ESRRB: variants seen among roughly 807,000 people sequenced by gnomAD.
ESRRB encodes steroid hormone receptor ERR2.
Under a neutral mutation model 46.0 loss-of-function variants are expected in ESRRB, and 16 were observed. The ratio of observed to expected loss-of-function variants is 0.35; its 90% CI spans 0.24 to 0.53. ESRRB has a LOEUF of 0.53. Ranked by LOEUF, ESRRB falls within the 20% of genes least tolerant of loss-of-function variation. The probability of loss-of-function intolerance (pLI) is 0.93; values close to 1 mark genes in which losing one functional copy is unlikely to be tolerated. For missense variants in ESRRB, 488 were observed against 607.4 expected, an observed-to-expected ratio of 0.80 and a Z score of 2.07; for synonymous variants, 246 against 259.6, an observed-to-expected ratio of 0.95 and a Z score of 0.50.
Position 76,499,987 on chromosome 14 carries a change from A to G in ESRRB, c.*1529A>G. On this transcript the variant is annotated 3_prime_UTR_variant, in exon 7 of 7. Coordinates refer to ENST00000644823, the MANE Select transcript of ESRRB (RefSeq NM_001379180.1). ...CAGAGCAACTCCCCGGGGATCCCCA[A>G]TCCACGCCCTTCTAGTCCAACCCCC... 5 of 1,590,228 alleles carry G rather than the reference A, an allele frequency of 3.1e-6. No homozygotes were observed. Among genetic ancestry groups the G allele is most frequent in the East Asian group, 2.3e-5 (1 of 44,184 alleles).
upstream of ESRRB, among the ~76,000 whole-genome samples, chr14:76,368,152 T>C (rs1428925507): frequency 1.3e-5 from 2 of 149,910 alleles, no homozygotes; most frequent in Non-Finnish European, 3.0e-5. Flanking sequence ...TTTTTGTATT[T>C]TTAGTAGAGA....
At chr14:76,365,151 G>C (rs1884505644) in intron 1 of ESRRB, among the ~76,000 whole-genome samples, 1 of 152,170 alleles carries the variant, frequency 6.6e-6, no homozygotes, top group Non-Finnish European at 1.5e-5. Flanking sequence ...AATAACCAGA[G>C]TGAAGTAACT....
intron 2 of ESRRB, among the ~76,000 whole-genome samples, chr14:76,454,300 G>A (rs1888512523): frequency 6.6e-6 from 1 of 152,130 alleles, no homozygotes; most frequent in Non-Finnish European, 1.5e-5. Flanking sequence ...CGATTTCCAG[G>A]ATTGAGATAC....
chr14:76,462,572 CCAA>C lies in ESRRB; in HGVS notation c.490_492del (p.Asn164del), dbSNP rs1183848737. The C allele has an allele frequency of 6.2e-7, 1 of 1,614,092 alleles. No homozygotes were observed. Among genetic ancestry groups the C allele is most frequent in the Non-Finnish European group, 8.5e-7 (1 of 1,179,994 alleles). On this transcript the variant is annotated inframe_deletion, in exon 3 of 7. Coordinates refer to ENST00000644823, the MANE Select transcript of ESRRB (RefSeq NM_001379180.1). ...AACATTGAGTACAGCTGCCCGGCCA[CCAA>C]CGAGTGCGAGATCACCAAACGGAGG...
chr14:76,487,418 C>T (rs769056183), intron 5 of ESRRB, among the ~76,000 whole-genome samples: 1 of 152,146 alleles, frequency 6.6e-6, no homozygotes, highest in Non-Finnish European at 1.5e-5. Context: ...TGTCTTTCCA[C>T]GTCCACACAG....
intron 2 of ESRRB, among the ~76,000 whole-genome samples, chr14:76,451,192 A>G (rs1888367579): frequency 6.6e-6 from 1 of 152,220 alleles, no homozygotes; most frequent in African/African-American, 2.4e-5. Flanking sequence ...ACTGGAGTGC[A>G]CCAGGCTTCA....
At chr14:76,327,747 C>A (rs534272149) in intron 1 of ESRRB, among the ~76,000 whole-genome samples, 1 of 152,284 alleles carries the variant, frequency 6.6e-6, no homozygotes, top group South Asian at 2.1e-4. Context: ...GTAGCCCAGG[C>A]TGGAGTTGTG....
In ESRRB at chr14:76,500,704, CTCTGGCTCACCATGTAACA is replaced by C; in HGVS notation, c.*2254_*2272del. The C allele has an allele frequency of 6.2e-7, 1 of 1,613,946 alleles. No homozygotes were observed. Among genetic ancestry groups the C allele is most frequent in the African/African-American group, 1.3e-5 (1 of 75,050 alleles). Reference sequence around the variant, plus strand: ...TGTCTGTCTTTTCTAGGGAAAGCATCTCTGGCTCACCATGTAACATCTGGCTTGGAGCAAGTGGGTGTTC... The same window carrying C: ...TGTCTGTCTTTTCTAGGGAAAGCATCTCTGGCTTGGAGCAAGTGGGTGTTC... On this transcript the variant is annotated 3_prime_UTR_variant, in exon 7 of 7. Coordinates refer to ENST00000644823, the MANE Select transcript of ESRRB (RefSeq NM_001379180.1).
At chr14:76,464,211 C>T (rs1444936552) in intron 3 of ESRRB, among the ~76,000 whole-genome samples, 1 of 152,096 alleles carries the variant, frequency 6.6e-6, no homozygotes, top group South Asian at 2.1e-4. Flanking sequence ...ACAGAGAGAA[C>T]GAAGGGACAG....
chr14:76,424,968 C>T (rs1047519020), intron 1 of ESRRB, among the ~76,000 whole-genome samples: 1 of 152,154 alleles, frequency 6.6e-6, no homozygotes, highest in African/African-American at 2.4e-5. Flanking sequence ...AACTCCTGAC[C>T]TCAAGCGATC....
intron 1 of ESRRB, among the ~76,000 whole-genome samples, chr14:76,396,849 T>C (rs1885706699): frequency 6.6e-6 from 1 of 152,214 alleles, no homozygotes. Context: ...TGGCAAGGGT[T>C]GGCCTCACCA....
At chr14:76,433,653 C>A (rs1887548178) in intron 1 of ESRRB, among the ~76,000 whole-genome samples, 1 of 152,134 alleles carries the variant, frequency 6.6e-6, no homozygotes, top group African/African-American at 2.4e-5. Context: ...CCTTCACGGC[C>A]AATTTTCCTG....
In ESRRB at chr14:76,354,418, G is replaced by A. The variant is rs114307947; in HGVS notation, c.2+43502G>A. ...CCTGCGATGAAGCCAGGCTCACATAGCAGCAGCCTTTTTCCAGGGACCTAT... is the reference window on the plus strand; with the variant it reads ...CCTGCGATGAAGCCAGGCTCACATAACAGCAGCCTTTTTCCAGGGACCTAT... On this transcript the variant is annotated intron_variant, in intron 1 of 6. Coordinates refer to the ESRRB transcript ENST00000512784. 3.4e-3 allele frequency among the ~76,000 whole-genome samples: 514 copies of A among 152,148 alleles called. 1 individual carries two copies. Among genetic ancestry groups the A allele is most frequent in the African/African-American group, 0.011 (476 of 41,506 alleles).
At chr14:76,353,057 C>T (rs924584707) in intron 1 of ESRRB, among the ~76,000 whole-genome samples, 1 of 152,228 alleles carries the variant, frequency 6.6e-6, no homozygotes, top group Admixed American at 6.5e-5. Flanking sequence ...CTCTGAGGCA[C>T]CCTAGACCTT....
At position 76,342,652 on chromosome 14, in the gene ESRRB, G is replaced by A. The variant is rs150322915; in HGVS notation, c.2+31736G>A. 1.4e-4 allele frequency among the ~76,000 whole-genome samples: 22 copies of A among 152,280 alleles called. No individual in the cohort carries two copies. The East Asian group carries it at 1.9e-3, about 13-fold the overall frequency. On this transcript the variant is annotated intron_variant, in intron 1 of 6. Transcript: ENST00000512784. ...AAGACTTCTGGTTTGAATTTGGTCC[G>A]CATGAGCTTTGATTTCCCCATCTGT...
At chr14:76,385,294 A>C (rs1370516292) in intron 1 of ESRRB, among the ~76,000 whole-genome samples, 3 of 151,362 alleles carry the variant, frequency 2.0e-5, no homozygotes, top group Non-Finnish European at 4.4e-5. Context: ...AAATCATTCC[A>C]CCCCCAAGGA....
At chr14:76,344,499 C>T (rs1884226057) in intron 1 of ESRRB, among the ~76,000 whole-genome samples, 1 of 152,020 alleles carries the variant, frequency 6.6e-6, no homozygotes, top group African/African-American at 2.4e-5. Context: ...TTAGATCCCA[C>T]ATATCAGTGA....
intron 1 of ESRRB, among the ~76,000 whole-genome samples, chr14:76,389,733 GT>G (rs1408757706): frequency 6.6e-6 from 1 of 152,188 alleles, no homozygotes; most frequent in African/African-American, 2.4e-5. Context: ...ATATTCAGCA[GT>G]TTTGTGGGCT....
intron 1 of ESRRB, among the ~76,000 whole-genome samples, chr14:76,316,319 T>C (rs1046052445): frequency 6.6e-6 from 1 of 152,172 alleles, no homozygotes; most frequent in African/African-American, 2.4e-5. Flanking sequence ...GTTAAGCCAT[T>C]GTTTCCTGAT....
Sources: gnomAD v4.1 joint callset for allele counts (sites outside exome capture counted in the v4.1 genomes callset) on GRCh38, gnomAD v4.1.1 for gene constraint, MANE v1.5 for transcripts, NCBI Gene and HGNC (gene_info 2026-07-23, HGNC 2026-07-21) for gene names.